ABCB1: variants seen among roughly 807,000 people sequenced by gnomAD.
The protein encoded by ABCB1 is ATP binding cassette subfamily B member 1.
In ABCB1, 69 loss-of-function variants were observed where a neutral mutation model predicts 142.0. The observed-to-expected ratio is 0.49, with a 90% CI of 0.40 to 0.59. The LOEUF (loss-of-function observed/expected upper bound fraction) is 0.59. Among genes scored for constraint, ABCB1 ranks in the 20% least tolerant of loss-of-function variants. ABCB1 has a pLI of 0.00. For synonymous variants in ABCB1, 532 were observed against 539.2 expected (o/e 0.99, Z 0.18); for missense variants, 1,326 against 1,554.7 (o/e 0.85, Z 2.47).
intron 4 of ABCB1, among the ~76,000 whole-genome samples, chr7:87,576,967 C>A (rs1013271069): frequency 6.6e-6 from 1 of 152,064 alleles, no homozygotes; most frequent in Non-Finnish European, 1.5e-5. Context: ...TTGTTGTTGA[C>A]TGTAGTCACC....
intron 1 of ABCB1, among the ~76,000 whole-genome samples, chr7:87,684,746 CAAAAAAAAAAAA>C (rs71524694): frequency 3.4e-4 from 13 of 37,790 alleles, no homozygotes; most frequent in Admixed American, 1.6e-3. Context: ...GACTCCGTCT[CAAAAAAAAAAAA>C]AAAAAAAAAA....
At chr7:87,566,652 G>T in intron 6 of ABCB1, 133 bp downstream of exon 6, 1 of 917,138 alleles carries the variant, frequency 1.1e-6, no homozygotes. Flanking sequence ...CATTGTTGCT[G>T]CTTAGAAGGA....
At chr7:87,638,848 A>G (rs1255435626) in intron 1 of ABCB1, among the ~76,000 whole-genome samples, 2 of 152,012 alleles carry the variant, frequency 1.3e-5, no homozygotes, top group Non-Finnish European at 2.9e-5. Flanking sequence ...TCGACTCCTC[A>G]GTTTATTTAG....
chr7:87,504,566 T>C (rs1814639235), intron 27 of ABCB1, 117 bp from the exon 28 acceptor site: 2 of 1,399,174 alleles, frequency 1.4e-6, no homozygotes, highest in Non-Finnish European at 2.0e-6. Flanking sequence ...CCCAGCACTT[T>C]GGGAGGCCAA....
At chr7:87,552,528 C>T (rs950025803) in intron 9 of ABCB1, among the ~76,000 whole-genome samples, 6 of 151,922 alleles carry the variant, frequency 3.9e-5, no homozygotes, top group Non-Finnish European at 5.9e-5. Context: ...TTGGATGCCT[C>T]CAGTGTGTGA....
intron 7 of ABCB1, among the ~76,000 whole-genome samples, chr7:87,565,856 C>T (rs1817764978): frequency 1.3e-5 from 2 of 151,952 alleles, no homozygotes; most frequent in African/African-American, 4.8e-5. Context: ...TCATCCCTTC[C>T]CCAAATAATC....
At chr7:87,576,062 C>T (rs1818262810) in intron 4 of ABCB1, among the ~76,000 whole-genome samples, 1 of 152,004 alleles carries the variant, frequency 6.6e-6, no homozygotes, top group South Asian at 2.1e-4. Flanking sequence ...ACATCTAAGC[C>T]CCTTTTCACC....
rs1469484682 is a variant in ABCB1 at position 87,626,305 on chromosome 7, ATGTGTCGTATATG to A, written c.-330-25240_-330-25228del. Among the ~76,000 whole-genome samples the A allele has an allele frequency of 4.1e-4, 15 of 36,650 alleles. 3 individuals are homozygous for A. The highest frequency in any genetic ancestry group is 5.6e-4 in the Non-Finnish European group (13 of 23,088). The allele number at this position is 36,650 out of a possible 152,430, so 24.0% of individuals were successfully genotyped here. ...TATGTGTCATATATGTGTCATATAT[ATGTGTCGTATATG>A]TGTCATATATATGTGTCGTATATGT... is the stretch of plus-strand genomic sequence containing the variant. On this transcript the variant is annotated intron_variant, in intron 1 of 28. Coordinates refer to the ABCB1 transcript ENST00000265724.
intron 1 of ABCB1, among the ~76,000 whole-genome samples, chr7:87,657,555 T>C (rs966678082): frequency 2.0e-5 from 3 of 152,164 alleles, no homozygotes; most frequent in Admixed American, 6.6e-5. Context: ...CCCTCTTGGC[T>C]GGTCAAAAAC....
intron 24 of ABCB1, 38 bp downstream of exon 24, chr7:87,516,471 G>C: frequency 6.2e-7 from 1 of 1,613,130 alleles, no homozygotes; most frequent in Non-Finnish European, 8.5e-7. Flanking sequence ...TCATTCAGGA[G>C]TCAGGAGTAG....
At chr7:87,511,106 C>T (rs565822894) in intron 25 of ABCB1, among the ~76,000 whole-genome samples, 13 of 152,198 alleles carry the variant, frequency 8.5e-5, no homozygotes, top group Non-Finnish European at 1.2e-4. Context: ...ACTGAATACA[C>T]TCTTGGGCCT....
Position 87,570,211 on chromosome 7 carries a change from T to C in ABCB1, c.299A>G (p.Asp100Gly), listed in dbSNP as rs200693386. 11 of 1,613,010 alleles carry C rather than the reference T, an allele frequency of 6.8e-6. No homozygotes were observed. Among genetic ancestry groups the C allele is most frequent in the Non-Finnish European group, 9.3e-6 (11 of 1,179,456 alleles). Reference protein sequence around the residue: ...SNITNRSDINDTGFFMNLEED... With the variant: ...SNITNRSDINGTGFFMNLEED... ...CTCCAGATTCATGAAGAACCCTGTA[T>C]CATTGATATCACCTAGACCACCACA... Residue 100 changes from aspartate (D) to glycine (G), a missense_variant, in exon 5 of 28, where the codon GAT becomes GGT. Asp to Gly is a moderately conservative substitution (Grantham distance 94). Transcript: ENST00000622132.
At chr7:87,590,705 A>G (rs1429859026) in intron 3 of ABCB1, among the ~76,000 whole-genome samples, 1 of 152,260 alleles carries the variant, frequency 6.6e-6, no homozygotes, top group East Asian at 1.9e-4. Context: ...ATTTGTCTGC[A>G]GTAAAGTCAG....
chr7:87,533,396 A>G (rs2117135683), intron 20 of ABCB1, among the ~76,000 whole-genome samples: 1 of 152,310 alleles, frequency 6.6e-6, no homozygotes, highest in South Asian at 2.1e-4. Flanking sequence ...TTTCAGACAT[A>G]TAAATGTGCA....
Position 87,686,848 on chromosome 7 carries a change from G to A in ABCB1, c.-331+26313C>T, listed in dbSNP as rs571509059. Among the ~76,000 whole-genome samples the A allele has an allele frequency of 1.5e-4, 22 of 151,404 alleles. No homozygotes were observed. In the South Asian group the frequency reaches 4.2e-3, roughly 29 times the overall value. On this transcript the variant is annotated intron_variant, in intron 1 of 28. Coordinates refer to the ABCB1 transcript ENST00000265724. ...TAGTCCCAGCTACTTGGGAGGCTAAGGTGGGAGGGTCACCTGAGCCCAAGG... is the reference window on the plus strand; with the variant it reads ...TAGTCCCAGCTACTTGGGAGGCTAAAGTGGGAGGGTCACCTGAGCCCAAGG...
In ABCB1 at chr7:87,506,238, A is replaced by G. The variant is rs1450965503; in HGVS notation, c.3490-195T>C. On this transcript the variant is annotated intron_variant, in intron 26 of 27. Coordinates refer to ENST00000622132, the MANE Select transcript of ABCB1 (RefSeq NM_001348946.2). The stretch of plus-strand genomic sequence containing the variant: ...AGGTTTACTATCTATTTGAAAATAA[A>G]TGTTTGGGCCTTAAGATGATATGTT... The G allele has an allele frequency of 8.4e-6, 5 of 593,278 alleles. No individual in the cohort carries two copies. The African/African-American group carries it at 9.3e-5, about 11-fold the overall frequency. 36.8% of individuals were successfully genotyped at this position (593,278 alleles called of 1,614,324 possible). A position where few individuals can be genotyped will look rare whatever the true frequency, so the allele number is the denominator to read the frequency against.
chr7:87,561,420 A>G, intron 7 of ABCB1, 33 bp from the exon 8 acceptor site: 1 of 1,578,704 alleles, frequency 6.3e-7, no homozygotes, highest in Non-Finnish European at 8.7e-7. Context: ...ATCATGAAAA[A>G]AACACGTTAA....
rs780870530 is a variant in ABCB1, at chr7:87,566,898, T to C, written c.417A>G (p.Ala139=). ...AYIQVSFWCL[A]AGRQIHKIRK... is the part of the protein sequence containing the mutation. ...TAATTTTGTGTATTTGTCTTCCAGC[T>C]GCCAGGCACCAAAATGAAACCTGAA... The change falls in exon 6 of 28, where the codon GCA becomes GCG. Residue 139 remains alanine, a synonymous_variant. Coordinates refer to ENST00000622132, the MANE Select transcript of ABCB1 (RefSeq NM_001348946.2). 3 of 1,614,166 alleles carry C rather than the reference T, an allele frequency of 1.9e-6. No homozygotes were observed. In the Admixed American group the frequency reaches 5.0e-5, roughly 27 times the overall value.
chr7:87,576,718 G>A (rs1373802611), intron 4 of ABCB1, among the ~76,000 whole-genome samples: 2 of 150,010 alleles, frequency 1.3e-5, no homozygotes, highest in African/African-American at 4.9e-5. Context: ...TGATAGTCCT[G>A]GTTTTTTTAG....
Sources: gnomAD v4.1 joint callset for allele counts (sites outside exome capture counted in the v4.1 genomes callset) on GRCh38, gnomAD v4.1.1 for gene constraint, MANE v1.5 for transcripts, NCBI Gene and HGNC (gene_info 2026-07-23, HGNC 2026-07-21) for gene names.